Variants in SYNE2 observed in about 807,000 individuals in gnomAD.
SYNE2 encodes nesprin-2.
In SYNE2, 431 loss-of-function variants were observed where a neutral mutation model predicts 856.3. The ratio of observed to expected loss-of-function variants is 0.50; its 90% CI spans 0.47 to 0.55. The LOEUF is 0.55. Among genes scored for constraint, SYNE2 ranks in the 20% least tolerant of loss-of-function variants. The probability of loss-of-function intolerance (pLI) is 0.00; values close to 1 mark genes in which losing one functional copy is unlikely to be tolerated. For missense variants in SYNE2, 8,129 were observed against 8,023.2 expected (o/e 1.01, Z -0.50); for synonymous variants, 2,923 against 2,872.3 (o/e 1.02, Z -0.56).
chr14:63,834,826 A>G (rs1889791823), intron 1 of SYNE2, among the ~76,000 whole-genome samples: 2 of 149,118 alleles, frequency 1.3e-5, no homozygotes, highest in Non-Finnish European at 3.0e-5. Context: ...TTTTTAGTAG[A>G]GACAGAGTTT....
chr14:63,974,892 G>GTACATATATATATATATATATA (rs2096527497), intron 11 of SYNE2, among the ~76,000 whole-genome samples: 7 of 67,328 alleles, frequency 1.0e-4, no homozygotes, highest in Non-Finnish European at 1.9e-4. Context: ...GTGTGTGTGT[G>GTACATATATATATATATATATA]TATATATATA....
At chr14:64,193,297 C>G (rs1375490473) in intron 99 of SYNE2, among the ~76,000 whole-genome samples, 2 of 152,162 alleles carry the variant, frequency 1.3e-5, no homozygotes, top group Non-Finnish European at 2.9e-5. Flanking sequence ...TGCCTGTAAT[C>G]CCAGCACTTT....
Position 63,997,126 on chromosome 14 carries a change from G to C in SYNE2, c.3120G>C (p.Leu1040=). 1 of 1,614,072 alleles carries C rather than the reference G, an allele frequency of 6.2e-7. No homozygotes were observed. Among genetic ancestry groups the C allele is most frequent in the East Asian group, 2.2e-5 (1 of 44,876 alleles). ...GTGCTTCCGAGATTCATATGACACT[G>C]CAGCCCACAGCGGGAGGCACGTCGA... ...LKCASEIHMT[L]QPTAGGTSKN... The change falls in exon 24 of 116, where the codon CTG becomes CTC. Residue 1040 remains leucine, a synonymous_variant. Transcript: ENST00000555002.
intron 63 of SYNE2, 123 bp from the exon 64 acceptor site, chr14:64,101,809 A>T: frequency 1.4e-6 from 1 of 727,728 alleles, no homozygotes; most frequent in South Asian, 1.5e-5. Context: ...GGACTGCAAT[A>T]AAGGGCTGTG....
At chr14:64,036,701 T>A (rs868747605) in intron 45 of SYNE2, among the ~76,000 whole-genome samples, 10 of 152,186 alleles carry the variant, frequency 6.6e-5, no homozygotes, top group South Asian at 6.2e-4. Context: ...AATTTTTTTT[T>A]AATTTTTCCC....
chr14:63,847,702 C>T (rs1430291584), intron 1 of SYNE2, among the ~76,000 whole-genome samples: 2 of 151,082 alleles, frequency 1.3e-5, no homozygotes, highest in Non-Finnish European at 2.9e-5. Flanking sequence ...TCTCTTGCCT[C>T]AGCCTCCCAA....
In SYNE2 at chr14:63,964,058, A is replaced by G. The variant is rs2096357813; in HGVS notation, c.990+58A>G. The G allele has an allele frequency of 2.8e-6, 3 of 1,089,400 alleles. No homozygotes were observed. The African/African-American group carries it at 4.7e-5, about 17-fold the overall frequency. The allele number at this position is 1,089,400 out of a possible 1,614,324, so 67.5% of individuals were successfully genotyped here. A position where few individuals can be genotyped will look rare whatever the true frequency, so the allele number is the denominator to read the frequency against. ...TACCTTTTAAGAGTTGAGCGTAAGT[A>G]TGTTTTTAGAAAACTCTTTCAGGCT... On this transcript the variant is annotated intron_variant, in intron 10 of 115. Coordinates refer to ENST00000555002, the MANE Select transcript of SYNE2 (RefSeq NM_182914.3).
intron 11 of SYNE2, among the ~76,000 whole-genome samples, chr14:63,969,169 CTTTTTTTTTT>C (rs34436117): frequency 7.8e-6 from 1 of 128,952 alleles, no homozygotes; most frequent in Admixed American, 8.1e-5. Context: ...GAATCTCATT[CTTTTTTTTTT>C]TTTTTTTTGA....
intron 52 of SYNE2, among the ~76,000 whole-genome samples, chr14:64,073,244 T>C (rs2097427214): frequency 6.6e-6 from 1 of 151,922 alleles, no homozygotes; most frequent in Non-Finnish European, 1.5e-5. Flanking sequence ...ACATAGTTGG[T>C]TCCCCTGGCA....
chr14:64,064,026 T>TGTG, intron 50 of SYNE2, among the ~76,000 whole-genome samples: 1 of 152,308 alleles, frequency 6.6e-6, no homozygotes, highest in East Asian at 1.9e-4. Flanking sequence ...GTTGGGTGAA[T>TGTG]GTGGTCTCTT....
At chr14:64,063,433 C>T (rs189967696) in intron 50 of SYNE2, among the ~76,000 whole-genome samples, 26 of 152,338 alleles carry the variant, frequency 1.7e-4, no homozygotes, top group Non-Finnish European at 3.2e-4. Flanking sequence ...GGTTCACAGA[C>T]AGTCATCCCC....
At chr14:63,783,384 T>C (rs1481895791) in intron 1 of SYNE2, among the ~76,000 whole-genome samples, 1 of 152,058 alleles carries the variant, frequency 6.6e-6, no homozygotes, top group Non-Finnish European at 1.5e-5. Context: ...TTCTTCTTCT[T>C]CTTTTTTTTC....
At chr14:63,787,732 AG>A (rs1232291577) in intron 1 of SYNE2, among the ~76,000 whole-genome samples, 1 of 152,138 alleles carries the variant, frequency 6.6e-6, no homozygotes, top group Non-Finnish European at 1.5e-5. Flanking sequence ...GACCTCGGAG[AG>A]GACAAAGTGC....
intron 33 of SYNE2, 116 bp from the exon 34 acceptor site, chr14:64,017,479 C>A: frequency 1.2e-6 from 1 of 822,168 alleles, no homozygotes; most frequent in Non-Finnish European, 2.0e-6. Flanking sequence ...ATGAATAAAG[C>A]AGATTATCCA....
chr14:64,114,185 A>T (rs2097836225), intron 66 of SYNE2, among the ~76,000 whole-genome samples: 1 of 152,102 alleles, frequency 6.6e-6, no homozygotes, highest in Non-Finnish European at 1.5e-5. Flanking sequence ...AGGGATATAA[A>T]CTTCCTTGCC....
chr14:63,838,659 T>C (rs529175460), intron 1 of SYNE2, among the ~76,000 whole-genome samples: 1 of 152,056 alleles, frequency 6.6e-6, no homozygotes, highest in African/African-American at 2.4e-5. Context: ...TAGGCACGCA[T>C]AACTGAGCTT....
Position 64,027,595 on chromosome 14 carries a change from A to G in SYNE2, c.6516A>G (p.Gln2172=). ...AACAGGAAGCAGGCTTTGCTCTACA[A>G]CATGGTCTGCAGGAGAAGAAAGCTC... ...KKKQEAGFAL[Q]HGLQEKKAQL... The change falls in exon 43 of 116, where the codon CAA becomes CAG. Residue 2172 remains glutamine, a synonymous_variant. Coordinates refer to ENST00000555002, the MANE Select transcript of SYNE2 (RefSeq NM_182914.3). 1 of 1,614,100 alleles carries G rather than the reference A, an allele frequency of 6.2e-7. No homozygotes were observed. The highest frequency in any genetic ancestry group is 8.5e-7 in the Non-Finnish European group (1 of 1,179,970).
intron 98 of SYNE2, chr14:64,188,909 T>C (rs1011406376): frequency 3.9e-5 from 28 of 711,330 alleles, no homozygotes; most frequent in African/African-American, 3.5e-4. Context: ...TGTGAGACCA[T>C]TGTCAGTGGG....
At chr14:64,099,075 T>TA (rs1217512701) in intron 63 of SYNE2, 12 of 461,650 alleles carry the variant, frequency 2.6e-5, no homozygotes, top group Non-Finnish European at 4.8e-5. Flanking sequence ...AAGTTCTCTG[T>TA]AGTATCCTGA....
Sources: allele counts gnomAD v4.1 joint callset (sites outside exome capture counted in the v4.1 genomes callset), GRCh38; gene constraint gnomAD v4.1.1; transcripts MANE v1.5; gene names NCBI Gene and HGNC (gene_info 2026-07-23, HGNC 2026-07-21).